Variants in TTI1 observed in about 807,000 individuals in gnomAD.
TTI1 encodes the protein TELO2-interacting protein 1 homolog.
TTI1 carries 52 observed loss-of-function variants against 85.4 expected under a neutral mutation model. That is an observed-to-expected ratio of 0.61 (90% CI 0.49 to 0.77). TTI1 has a LOEUF of 0.77. Among genes scored for constraint, TTI1 ranks in the 30% least tolerant of loss-of-function variants. The pLI is 0.00. For synonymous variants in TTI1, 512 were observed against 503.9 expected, an observed-to-expected ratio of 1.02 and a Z score of -0.22; for missense variants, 1,173 against 1,296.0, an observed-to-expected ratio of 0.91 and a Z score of 1.46.
chr20:37,992,937 T>G (rs2073285213), intron 7 of TTI1, among the ~76,000 whole-genome samples: 1 of 152,170 alleles, frequency 6.6e-6, no homozygotes, highest in South Asian at 2.1e-4. Context: ...TGCAGTTGGC[T>G]GAGATGGGGG....
At position 38,013,777 on chromosome 20, in the gene TTI1, A is replaced by G; in HGVS notation, c.40T>C (p.Leu14=). ...FDTPEEAFGV[L]RPVCVQLTKT... ...GTGAGCTGAACACAGACTGGACGTAAGACACCAAAGGCCTCCTCAGGAGTA... is the reference window on the plus strand; with the variant it reads ...GTGAGCTGAACACAGACTGGACGTAGGACACCAAAGGCCTCCTCAGGAGTA... Residue 14 remains leucine (L), a synonymous_variant, in exon 2 of 8, where the codon TTA becomes CTA. Coordinates refer to ENST00000373447, the MANE Select transcript of TTI1 (RefSeq NM_001303457.2). 6.2e-7 allele frequency: 1 copy of G among 1,614,026 alleles called. No homozygotes were observed. The highest frequency in any genetic ancestry group is 1.1e-5 in the South Asian group (1 of 91,082).
At chr20:38,032,661 T>C (rs1315962570) in intron 1 of TTI1, among the ~76,000 whole-genome samples, 8 of 152,214 alleles carry the variant, frequency 5.3e-5, no homozygotes, top group Admixed American at 5.2e-4. Flanking sequence ...CATAGCTCAC[T>C]GTAACCTCTA....
In TTI1 at chr20:38,002,517, C is replaced by T. The variant is rs1219730484; in HGVS notation, c.2652+111G>A. ...TTGATGCCTTCTCTTGGCCACCACACGTGGACCAGGAGATAAGGGGAGCTA... is the reference window on the plus strand; with the variant it reads ...TTGATGCCTTCTCTTGGCCACCACATGTGGACCAGGAGATAAGGGGAGCTA... On this transcript the variant is annotated intron_variant, in intron 4 of 7. Coordinates refer to ENST00000373447, the MANE Select transcript of TTI1 (RefSeq NM_001303457.2). 1.0e-5 allele frequency: 14 copies of T among 1,405,772 alleles called. 1 individual carries two copies. The highest frequency in any genetic ancestry group is 4.2e-5 in the African/African-American group (3 of 71,070). The allele number at this position is 1,405,772 out of a possible 1,614,324, so 87.1% of individuals were successfully genotyped here. A position where few individuals can be genotyped will look rare whatever the true frequency, so the allele number is the denominator to read the frequency against.
chr20:38,005,179 GAAAAGA>G (rs1176809945), intron 3 of TTI1, among the ~76,000 whole-genome samples: 1 of 152,106 alleles, frequency 6.6e-6, no homozygotes, highest in Non-Finnish European at 1.5e-5. Context: ...AAAAGGAAAA[GAAAAGA>G]AAAAGAAAAA....
At chr20:37,987,050 GCT>G (rs1471089742) in intron 7 of TTI1, 1 of 409,372 alleles carries the variant, frequency 2.4e-6, no homozygotes, top group East Asian at 7.1e-5. Flanking sequence ...GTGTAGCTGT[GCT>G]CTCACTCCGA....
intron 1 of TTI1, among the ~76,000 whole-genome samples, chr20:38,024,988 C>T (rs1259288925): frequency 1.3e-5 from 2 of 152,148 alleles, no homozygotes; most frequent in African/African-American, 4.8e-5. Flanking sequence ...CCACACCCAC[C>T]CAGCAGTACA....
chr20:37,984,057 G>A (rs763549406), intron 7 of TTI1, among the ~76,000 whole-genome samples: 27 of 152,178 alleles, frequency 1.8e-4, no homozygotes, highest in Admixed American at 2.6e-4. Flanking sequence ...CCAGGGCAGG[G>A]CTCCCTGTCC....
At chr20:38,004,709 T>C (rs191233765) in intron 3 of TTI1, among the ~76,000 whole-genome samples, 26 of 152,306 alleles carry the variant, frequency 1.7e-4, no homozygotes, top group African/African-American at 6.0e-4. Flanking sequence ...TTTCCTGTTA[T>C]TGGAAGAAGG....
At chr20:38,030,528 AACACACAC>A (rs3038751) in intron 1 of TTI1, among the ~76,000 whole-genome samples, 3 of 144,840 alleles carry the variant, frequency 2.1e-5, no homozygotes, top group Admixed American at 6.9e-5. Flanking sequence ...CAGTATGTAA[AACACACAC>A]ACACACACAC....
chr20:37,999,047 G>A (rs765254586), intron 5 of TTI1, 141 bp downstream of exon 5: 21 of 1,015,980 alleles, frequency 2.1e-5, no homozygotes, highest in Non-Finnish European at 2.7e-5. Flanking sequence ...TCTTCTTTGT[G>A]CTTTTCTTAT....
intron 3 of TTI1, among the ~76,000 whole-genome samples, chr20:38,003,624 C>A (rs563913190): frequency 6.6e-6 from 1 of 151,716 alleles, no homozygotes; most frequent in Non-Finnish European, 1.5e-5. Context: ...TAGTGGCGGG[C>A]GCCTGTAATC....
At chr20:37,996,563 G>A in intron 6 of TTI1, 101 bp from the exon 7 acceptor site, 3 of 1,449,734 alleles carry the variant, frequency 2.1e-6, no homozygotes, top group Non-Finnish European at 1.9e-6. Flanking sequence ...TAGGCAAGAT[G>A]CTCTGGGCTC....
At chr20:37,992,812 T>C (rs1348304175) in intron 7 of TTI1, among the ~76,000 whole-genome samples, 1 of 152,188 alleles carries the variant, frequency 6.6e-6, no homozygotes, top group Non-Finnish European at 1.5e-5. Flanking sequence ...TTCAAATTCC[T>C]TTCACGTACA....
rs140445203 is a variant in TTI1 at position 38,013,324 on chromosome 20, C to G, written c.493G>C (p.Glu165Gln). 109 of 1,613,946 alleles carry G rather than the reference C, an allele frequency of 6.8e-5. No homozygotes were observed. Among genetic ancestry groups the G allele is most frequent in the Non-Finnish European group, 9.0e-5 (106 of 1,180,022 alleles). Reference sequence around the variant, plus strand: ...GCAATTTTAATTTGCTTTGATTTCTCCTGTTCTGCAAGGCCTAACAGTAAA... The same window carrying G: ...GCAATTTTAATTTGCTTTGATTTCTGCTGTTCTGCAAGGCCTAACAGTAAA... ...VSLLLGLAEQ[E>Q]KSKQIKIAAL... The change falls in exon 2 of 8, where the codon GAG becomes CAG. Residue 165 changes from glutamate to glutamine, a missense_variant. Coordinates refer to ENST00000373447, the MANE Select transcript of TTI1 (RefSeq NM_001303457.2).
chr20:38,008,442 A>G (rs2073534044), intron 2 of TTI1, among the ~76,000 whole-genome samples: 1 of 152,250 alleles, frequency 6.6e-6, no homozygotes, highest in Non-Finnish European at 1.5e-5. Flanking sequence ...TGCAGCCATA[A>G]AAAGAATGCA....
At chr20:38,032,982 G>T (rs1269729696) in intron 1 of TTI1, among the ~76,000 whole-genome samples, 1 of 152,138 alleles carries the variant, frequency 6.6e-6, no homozygotes, top group Non-Finnish European at 1.5e-5. Context: ...AAAGCAGCAC[G>T]TAATAATACC....
In TTI1 at chr20:38,012,923, A is replaced by C. The variant is rs777592661; in HGVS notation, c.894T>G (p.Val298=). 6.2e-7 allele frequency: 1 copy of C among 1,614,168 alleles called. No homozygotes were observed. The highest frequency in any genetic ancestry group is 1.1e-5 in the South Asian group (1 of 91,082). Residue 298 remains valine (V), a synonymous_variant, in exon 2 of 8, where the codon GTT becomes GTG. Coordinates refer to ENST00000373447, the MANE Select transcript of TTI1 (RefSeq NM_001303457.2). ...TILIKKIIEC[V]SVHPHWKVRL... ...TCACCTTCCAGTGTGGGTGAACAGA[A>C]ACACACTCAATTATCTTTTTAATAA...
chr20:38,011,472 C>T (rs760201342), intron 2 of TTI1, 43 bp downstream of exon 2: 1 of 1,592,656 alleles, frequency 6.3e-7, no homozygotes, highest in South Asian at 1.1e-5. Context: ...GAGACTGAGT[C>T]CTGTCCCCCA....
intron 1 of TTI1, among the ~76,000 whole-genome samples, chr20:38,023,377 A>G (rs1343854404): frequency 6.6e-6 from 1 of 152,224 alleles, no homozygotes; most frequent in Non-Finnish European, 1.5e-5. Flanking sequence ...ATCAGAATCA[A>G]TGTGGTGGGG....
Sources: allele counts gnomAD v4.1 joint callset (sites outside exome capture counted in the v4.1 genomes callset), GRCh38; gene constraint gnomAD v4.1.1; transcripts MANE v1.5; gene names NCBI Gene and HGNC (gene_info 2026-07-23, HGNC 2026-07-21).